LMF1: variants seen among roughly 807,000 people sequenced by gnomAD.
The protein encoded by LMF1 is transmembrane protein 112.
LMF1 carries 68 observed loss-of-function variants against 60.6 expected under a neutral mutation model. The ratio of observed to expected loss-of-function variants is 1.12; its 90% confidence interval spans 0.92 to 1.37. The LOEUF (loss-of-function observed/expected upper bound fraction) is 1.37. LMF1 is among the 40% of genes most tolerant of loss of function. LMF1 has a pLI of 0.00. For missense variants in LMF1, 948 were observed against 767.2 expected, an observed-to-expected ratio of 1.24 and a Z score of -2.78; for synonymous variants, 418 against 324.7, an observed-to-expected ratio of 1.29 and a Z score of -3.09.
chr16:958,318 G>A lies in LMF1; in HGVS notation c.194-3652C>T, dbSNP rs1053114081. On this transcript the variant is annotated intron_variant, in intron 1 of 10. Coordinates refer to ENST00000262301, the MANE Select transcript of LMF1 (RefSeq NM_022773.4). ...GAATGAAAACACAAGCCGCAGATTGGAAGAAAATACTGGCAAATCACACAT... is the reference window on the plus strand; with the variant it reads ...GAATGAAAACACAAGCCGCAGATTGAAAGAAAATACTGGCAAATCACACAT... Among the ~76,000 whole-genome samples, 6 of 152,188 alleles carry A rather than the reference G, an allele frequency of 3.9e-5. 1 individual carries two copies. In the South Asian group the frequency reaches 1.2e-3, roughly 31 times the overall value.
intron 1 of LMF1, chr16:964,153 G>A (rs2151489660): frequency 2.2e-6 from 1 of 455,696 alleles, no homozygotes; most frequent in South Asian, 1.5e-5. Context: ...AGAAATAGCT[G>A]GGCGTGGCAG....
chr16:953,989 C>CCACT lies in LMF1; in HGVS notation c.503+367_503+368insAGTG, dbSNP rs1265946215. Among the ~76,000 whole-genome samples the CCACT allele has an allele frequency of 2.6e-4, 23 of 87,060 alleles. 6 individuals are homozygous for CCACT. The highest frequency in any genetic ancestry group is 1.3e-3 in the South Asian group (3 of 2,330). The allele number at this position is 87,060 out of a possible 152,430, so 57.1% of individuals were successfully genotyped here. A position where few individuals can be genotyped will look rare whatever the true frequency, so the allele number is the denominator to read the frequency against. ...GCCTCCTACATGTCCACACAGACAC[C>CCACT]CCAAACCAGCCTCCTACACGTCCAC... is the stretch of plus-strand genomic sequence containing the variant. On this transcript the variant is annotated intron_variant, in intron 2 of 10. Coordinates refer to ENST00000262301, the MANE Select transcript of LMF1 (RefSeq NM_022773.4).
chr16:887,390 G>C (rs984787014), intron 5 of LMF1, among the ~76,000 whole-genome samples: 1 of 152,222 alleles, frequency 6.6e-6, no homozygotes, highest in Non-Finnish European at 1.5e-5. Context: ...AAGCTGGCCG[G>C]GCCAGGCTGA....
At chr16:909,243 G>A (rs995022082) in intron 4 of LMF1, among the ~76,000 whole-genome samples, 6 of 152,172 alleles carry the variant, frequency 3.9e-5, no homozygotes, top group Non-Finnish European at 8.8e-5. Context: ...ATGTGAGTGA[G>A]GGGGAGGGAA....
At chr16:977,902 AAC>A (rs368692574) in intron 1 of LMF1, among the ~76,000 whole-genome samples, 11,437 of 135,914 alleles carry the variant, frequency 0.084, 488 homozygotes, top group African/African-American at 0.1. Context: ...CCACACACTA[AAC>A]ACACACACCA....
At chr16:981,347 AGTGTGTGT>A (rs752216162), upstream of LMF1, 336 of 96,110 alleles carry the variant, frequency 3.5e-3, 1 homozygote, top group African/African-American at 8.0e-3. Context: ...AGAGAGAGAG[AGTGTGTGT>A]GTGTGTGTGT....
chr16:981,347 A>AGAGAAAGAGTGT (rs1302286541), upstream of LMF1: 1 of 94,616 alleles, frequency 1.1e-5, no homozygotes, highest in African/African-American at 7.9e-5. Context: ...AGAGAGAGAG[A>AGAGAAAGAGTGT]GTGTGTGTGT....
intron 2 of LMF1, among the ~76,000 whole-genome samples, chr16:950,616 T>C (rs681943): frequency 8.6e-5 from 9 of 105,198 alleles, no homozygotes; most frequent in South Asian, 3.4e-4. Flanking sequence ...ACGACAGAGT[T>C]AGAGACAACG....
At chr16:934,425 C>T (rs1317729485) in intron 2 of LMF1, 171 bp from the exon 3 acceptor site, 1 of 717,392 alleles carries the variant, frequency 1.4e-6, no homozygotes, top group Admixed American at 2.3e-5. Context: ...AGCCCCTCCC[C>T]ACGGCTCACA....
At chr16:927,832 T>G (rs1269534185) in intron 3 of LMF1, among the ~76,000 whole-genome samples, 2 of 152,210 alleles carry the variant, frequency 1.3e-5, no homozygotes, top group African/African-American at 4.8e-5. Flanking sequence ...AGGGAGCATT[T>G]AATTCACAAT....
At chr16:857,114 G>A (rs974908358) in intron 10 of LMF1, among the ~76,000 whole-genome samples, 2 of 152,246 alleles carry the variant, frequency 1.3e-5, no homozygotes, top group African/African-American at 2.4e-5. Context: ...CCTCCTCGTC[G>A]CTGACCGGCG....
chr16:931,150 T>C (rs1597019997), intron 3 of LMF1, among the ~76,000 whole-genome samples: 1 of 150,392 alleles, frequency 6.6e-6, no homozygotes, highest in Non-Finnish European at 1.5e-5. Context: ...GACCGCCCAG[T>C]GGGGAAGCCA....
chr16:881,136 T>C (rs1442372005), intron 5 of LMF1, among the ~76,000 whole-genome samples: 1 of 152,128 alleles, frequency 6.6e-6, no homozygotes, highest in Non-Finnish European at 1.5e-5. Flanking sequence ...GGGGCTGTGC[T>C]GGGCAGCGCT....
chr16:888,591 C>A (rs2070380561), intron 5 of LMF1, among the ~76,000 whole-genome samples: 1 of 152,224 alleles, frequency 6.6e-6, no homozygotes, highest in Non-Finnish European at 1.5e-5. Context: ...ACATTCACAA[C>A]CTGCTGTTGC....
chr16:979,547 A>G (rs1291312493), intron 1 of LMF1: 1 of 431,520 alleles, frequency 2.3e-6, no homozygotes, highest in Non-Finnish European at 4.7e-6. Context: ...CAGGGCCTGG[A>G]TGCCACTCCC....
At chr16:979,684 T>C (rs2073284296) in intron 1 of LMF1, 2 of 453,970 alleles carry the variant, frequency 4.4e-6, no homozygotes, top group Non-Finnish European at 4.4e-6. Context: ...CTAATGCAAC[T>C]GCTTTTCTTT....
chr16:869,856 A>C, intron 9 of LMF1, 27 bp downstream of exon 9: 1 of 1,601,098 alleles, frequency 6.2e-7, no homozygotes, highest in Non-Finnish European at 8.5e-7. Flanking sequence ...AGGCAGGTCC[A>C]TGCGCCCGCC....
chr16:870,567 G>C (rs907345158), intron 8 of LMF1, among the ~76,000 whole-genome samples, 162 bp downstream of exon 8: 1 of 152,212 alleles, frequency 6.6e-6, no homozygotes, highest in Non-Finnish European at 1.5e-5. Context: ...GTCCAGGCCC[G>C]GTAGTGGGGA....
chr16:861,016 GTT>G (rs3054320), intron 10 of LMF1, among the ~76,000 whole-genome samples: 10 of 146,884 alleles, frequency 6.8e-5, no homozygotes, highest in African/African-American at 2.6e-4. Flanking sequence ...ATCTTGCTGG[GTT>G]TTTTTTTTAA....
Sources: gnomAD v4.1 joint callset for allele counts (sites outside exome capture counted in the v4.1 genomes callset) on GRCh38, gnomAD v4.1.1 for gene constraint, MANE v1.5 for transcripts, NCBI Gene and HGNC (gene_info 2026-07-23, HGNC 2026-07-21) for gene names.